The following PTPN20 variants were observed in gnomAD, a reference collection of about 807,000 sequenced individuals.
PTPN20 encodes protein tyrosine phosphatase non-receptor type 20.
A neutral mutation model predicts 35.0 loss-of-function variants in PTPN20; 9 were observed. That is an observed-to-expected ratio of 0.26 (90% confidence interval 0.15 to 0.45). PTPN20 has a LOEUF of 0.45. Ranked by LOEUF, PTPN20 falls within the 20% of genes least tolerant of loss-of-function variation. PTPN20 has a pLI of 1.00. For synonymous variants in PTPN20, 32 were observed against 100.2 expected (o/e 0.32, Z 4.06); for missense variants, 111 against 312.5 (o/e 0.36, Z 4.86).
chr10:46,941,211 T>C (rs2133964362), intron 3 of PTPN20, among the ~76,000 whole-genome samples: 1 of 150,018 alleles, frequency 6.7e-6, no homozygotes, highest in South Asian at 2.1e-4. Context: ...TTTTTTTTTC[T>C]CTTACCTAGT....
intron 9 of PTPN20, among the ~76,000 whole-genome samples, chr10:46,990,994 TTC>T (rs2057837126): frequency 2.5e-5 from 1 of 40,100 alleles, no homozygotes; most frequent in Non-Finnish European, 5.4e-5. Flanking sequence ...TAATTAATTT[TTC>T]GCTTTGATGA....
intron 1 of PTPN20, among the ~76,000 whole-genome samples, chr10:46,918,815 C>T (rs2033968246): frequency 8.2e-6 from 1 of 122,552 alleles, no homozygotes. Context: ...TCCGTGTCCA[C>T]TTTAATACTT....
chr10:46,985,418 T>A (rs1299447030), intron 8 of PTPN20, among the ~76,000 whole-genome samples: 1 of 149,890 alleles, frequency 6.7e-6, no homozygotes, highest in Non-Finnish European at 1.5e-5. Flanking sequence ...GACTTATGAT[T>A]TATAAGTGAC....
intron 9 of PTPN20, among the ~76,000 whole-genome samples, chr10:46,997,198 T>C (rs2059266921): frequency 1.3e-5 from 2 of 152,198 alleles, no homozygotes; most frequent in Admixed American, 1.3e-4. Context: ...TTTTGTTAAA[T>C]TTACCCTATT....
intron 1 of PTPN20, among the ~76,000 whole-genome samples, chr10:46,924,033 T>G (rs2036331960): frequency 6.6e-6 from 1 of 151,792 alleles, no homozygotes; most frequent in Non-Finnish European, 1.5e-5. Flanking sequence ...TTTTGCATAT[T>G]AACTTTGTAT....
intron 5 of PTPN20, among the ~76,000 whole-genome samples, chr10:46,955,374 GATATAA>G (rs1410411507): frequency 6.7e-6 from 1 of 150,338 alleles, no homozygotes; most frequent in African/African-American, 2.5e-5. Flanking sequence ...AGTTCATACT[GATATAA>G]ATAAATGATT....
chr10:47,002,283 G>T lies in PTPN20; in HGVS notation c.*1542G>T, dbSNP rs909266460. 1 of 152,128 alleles carries T rather than the reference G, an allele frequency of 6.6e-6. No homozygotes were observed. Among genetic ancestry groups the T allele is most frequent in the African/African-American group, 2.4e-5 (1 of 41,376 alleles). 9.4% of individuals were successfully genotyped at this position (152,128 alleles called of 1,614,324 possible). A position where few individuals can be genotyped will look rare whatever the true frequency, so the allele number is the denominator to read the frequency against. On this transcript the variant is annotated 3_prime_UTR_variant, in exon 11 of 11. Coordinates refer to ENST00000374339, the MANE Select transcript of PTPN20 (RefSeq NM_001042357.5). The stretch of plus-strand genomic sequence containing the variant: ...TAATGTATAACAATTTTCTTCAGAA[G>T]AATTCTATGCTATTATTAAAATAAA...
rs529268890 is a variant in PTPN20, at chr10:46,953,395, C to G, written c.340+6720C>G. On this transcript the variant is annotated intron_variant, in intron 5 of 10. Transcript: ENST00000374339. The stretch of plus-strand genomic sequence containing the variant: ...TCTTTCTTTCTTTCTTTCTTTCTTT[C>G]TTTTTTTTTGACTTACTAACTTATT... 1.3e-4 allele frequency among the ~76,000 whole-genome samples: 13 copies of G among 100,178 alleles called. 1 individual carries two copies. The highest frequency in any genetic ancestry group is 5.0e-4 in the African/African-American group (11 of 21,888). 65.7% of individuals were successfully genotyped at this position (100,178 alleles called of 152,430 possible).
In PTPN20 at chr10:46,976,640, G is replaced by A. The variant is rs1442711490; in HGVS notation, c.584-7590G>A. 5.8e-5 allele frequency among the ~76,000 whole-genome samples: 8 copies of A among 138,062 alleles called. No individual in the cohort carries two copies. In the South Asian group the frequency reaches 1.9e-3, roughly 32 times the overall value. The allele number at this position is 138,062 out of a possible 152,430, so 90.6% of individuals were successfully genotyped here. A position where few individuals can be genotyped will look rare whatever the true frequency, so the allele number is the denominator to read the frequency against. On this transcript the variant is annotated intron_variant, in intron 7 of 10. Transcript: ENST00000374339. The stretch of plus-strand genomic sequence containing the variant: ...GGAATTAAATAATGTTACCAGGTAT[G>A]CTTCATTTCCATCATTCTTACCTAG...
chr10:46,954,855 A>G (rs1227148278), intron 5 of PTPN20, among the ~76,000 whole-genome samples: 3 of 151,424 alleles, frequency 2.0e-5, no homozygotes, highest in South Asian at 2.1e-4. Flanking sequence ...CATAAATACA[A>G]CTGGCCCTCC....
At chr10:47,002,973 T>C (rs1002507401), downstream of PTPN20, among the ~76,000 whole-genome samples, 418 of 152,172 alleles carry the variant, frequency 2.7e-3, 2 homozygotes, top group African/African-American at 9.1e-3. Flanking sequence ...AATACTTTTA[T>C]TTCCTACTTA....
intron 1 of PTPN20, among the ~76,000 whole-genome samples, chr10:46,920,547 G>A (rs1479949870): frequency 1.3e-5 from 2 of 149,450 alleles, no homozygotes; most frequent in East Asian, 3.9e-4. Context: ...AGCAGAGGGT[G>A]CTGGGGGCAG....
chr10:46,999,231 G>T (rs1211913590), intron 9 of PTPN20, among the ~76,000 whole-genome samples: 1 of 152,138 alleles, frequency 6.6e-6, no homozygotes, highest in African/African-American at 2.4e-5. Flanking sequence ...ATTTACATGT[G>T]TCCACAATGT....
At chr10:46,991,971 T>C (rs1008418678) in intron 9 of PTPN20, among the ~76,000 whole-genome samples, 68 of 152,198 alleles carry the variant, frequency 4.5e-4, no homozygotes, top group African/African-American at 1.5e-3. Context: ...TATTGACTTC[T>C]CTAGTGAGAT....
chr10:46,940,081 A>C (rs2042969809), intron 2 of PTPN20, among the ~76,000 whole-genome samples: 1 of 151,618 alleles, frequency 6.6e-6, no homozygotes, highest in Non-Finnish European at 1.5e-5. Context: ...TAACACAGTA[A>C]TTAGGAATAA....
chr10:46,977,483 T>A (rs1368503658), intron 7 of PTPN20, among the ~76,000 whole-genome samples: 178 of 152,232 alleles, frequency 1.2e-3, no homozygotes, highest in African/African-American at 4.0e-3. Context: ...TAATGACTTT[T>A]CAGTAGTGAA....
At chr10:46,993,065 G>A (rs1026820686) in intron 9 of PTPN20, among the ~76,000 whole-genome samples, 1 of 152,208 alleles carries the variant, frequency 6.6e-6, no homozygotes, top group Non-Finnish European at 1.5e-5. Flanking sequence ...TATACTGGAA[G>A]AGTTTGGGGT....
In PTPN20 at chr10:47,000,688, T is replaced by A. The variant is rs2059943266; in HGVS notation, c.1210T>A (p.Phe404Ile). Reference sequence around the variant, plus strand: ...TATATGTATATAGGAGCAGTATCACTTTTGTTACGATATTGTGCTTGAAGT... The same window carrying A: ...TATATGTATATAGGAGCAGTATCACATTTGTTACGATATTGTGCTTGAAGT... The part of the protein sequence containing the change: ...GMVQTKEQYH[F>I]CYDIVLEVLR... Residue 404 changes from phenylalanine (F) to isoleucine (I), a missense_variant, in exon 11 of 11, where the codon TTT (phenylalanine) becomes ATT (isoleucine). Transcript: ENST00000374339. 5 of 1,613,526 alleles carry A rather than the reference T, an allele frequency of 3.1e-6. No homozygotes were observed. In the South Asian group the frequency reaches 5.5e-5, roughly 18 times the overall value.
chr10:47,000,762 C>T lies in PTPN20; in HGVS notation c.*21C>T, dbSNP rs903476323. 42 of 1,613,282 alleles carry T rather than the reference C, an allele frequency of 2.6e-5. No individual in the cohort carries two copies. Among genetic ancestry groups the T allele is most frequent in the Admixed American group, 3.3e-5 (2 of 59,968 alleles). On this transcript the variant is annotated 3_prime_UTR_variant, in exon 11 of 11. Transcript: ENST00000374339. Reference sequence around the variant, plus strand: ...ATTAAGAAAGACTTCTGTTGCCTCTCACTTGAAATTACCAAGTGGGTTTGC... The same window carrying T: ...ATTAAGAAAGACTTCTGTTGCCTCTTACTTGAAATTACCAAGTGGGTTTGC...
Sources: allele counts gnomAD v4.1 joint callset (sites outside exome capture counted in the v4.1 genomes callset), GRCh38; gene constraint gnomAD v4.1.1; transcripts MANE v1.5; gene names NCBI Gene and HGNC (gene_info 2026-07-23, HGNC 2026-07-21).